ITGA8: variants seen among roughly 807,000 people sequenced by gnomAD.
The protein encoded by ITGA8 is integrin alpha-8.
A neutral mutation model predicts 142.3 loss-of-function variants in ITGA8; 91 were observed. The ratio of observed to expected loss-of-function variants is 0.64; its 90% CI spans 0.54 to 0.76. The LOEUF (loss-of-function observed/expected upper bound fraction) is 0.76, where lower values mean the gene tolerates loss of function less well. Among genes scored for constraint, ITGA8 ranks in the 30% least tolerant of loss-of-function variants. ITGA8 has a pLI of 0.00. For missense variants in ITGA8, 1,406 were observed against 1,327.7 expected (o/e 1.06, Z -0.92); for synonymous variants, 505 against 485.2 (o/e 1.04, Z -0.54).
intron 13 of ITGA8, 124 bp from the exon 14 acceptor site, chr10:15,616,683 A>T: frequency 1.3e-6 from 1 of 776,210 alleles, no homozygotes; most frequent in Non-Finnish European, 2.2e-6. Flanking sequence ...ACAAAATTAG[A>T]AGAGAAATCA....
rs1216085322 is a variant in ITGA8 at position 15,674,990 on chromosome 10, T to C, written c.677-2241A>G. ...TCTCCTGGATCTTTCTCAATGACTT[T>C]TAAACATGATCAAGTTTCTTCCATT... On this transcript the variant is annotated intron_variant, in intron 6 of 29. Transcript: ENST00000378076. Among the ~76,000 whole-genome samples, 4 of 152,114 alleles carry C rather than the reference T, an allele frequency of 2.6e-5. No homozygotes were observed. In the East Asian group the frequency reaches 5.8e-4, roughly 22 times the overall value.
At chr10:15,518,316 A>G (rs1463148298) in intron 29 of ITGA8, among the ~76,000 whole-genome samples, 1 of 152,200 alleles carries the variant, frequency 6.6e-6, no homozygotes, top group African/African-American at 2.4e-5. Flanking sequence ...TATCCTGTCA[A>G]TTGGCACACA....
chr10:15,553,630 G>A (rs931056785), intron 26 of ITGA8, among the ~76,000 whole-genome samples: 6 of 152,080 alleles, frequency 3.9e-5, no homozygotes, highest in Admixed American at 3.3e-4. Context: ...CTTCTGCATC[G>A]ATGAGACACA....
At chr10:15,708,526 C>A (rs577552680) in intron 2 of ITGA8, among the ~76,000 whole-genome samples, 1 of 152,258 alleles carries the variant, frequency 6.6e-6, no homozygotes, top group East Asian at 1.9e-4. Flanking sequence ...GGGGTTGACA[C>A]TGTAGCCCCC....
chr10:15,613,170 A>AAAATAAATAAAT (rs1554777864), intron 15 of ITGA8, among the ~76,000 whole-genome samples: 1 of 36,134 alleles, frequency 2.8e-5, no homozygotes, highest in African/African-American at 5.2e-5. Flanking sequence ...CAATAAATAA[A>AAAATAAATAAAT]AAATAAATAA....
At chr10:15,719,369 T>C (rs1427222400) in intron 1 of ITGA8, among the ~76,000 whole-genome samples, 194 bp downstream of exon 1, 1 of 152,192 alleles carries the variant, frequency 6.6e-6, no homozygotes, top group Non-Finnish European at 1.5e-5. Context: ...GGCATGTCTC[T>C]AGCTCAAAAT....
intron 8 of ITGA8, among the ~76,000 whole-genome samples, chr10:15,670,758 CT>C (rs1485487232): frequency 6.6e-6 from 1 of 152,110 alleles, no homozygotes; most frequent in Admixed American, 6.6e-5. Context: ...GTCTTCTCCC[CT>C]GCACGTTGAA....
chr10:15,583,956 G>T (rs1834463815), intron 23 of ITGA8, among the ~76,000 whole-genome samples: 1 of 152,154 alleles, frequency 6.6e-6, no homozygotes, highest in South Asian at 2.1e-4. Context: ...GAATAGAAAA[G>T]AATTTCTATA....
At chr10:15,543,490 TTC>T (rs1348708043) in intron 27 of ITGA8, among the ~76,000 whole-genome samples, 3 of 152,210 alleles carry the variant, frequency 2.0e-5, no homozygotes, top group Admixed American at 6.5e-5. Flanking sequence ...GCCCCAACTG[TTC>T]TGGTTCAAAA....
intron 11 of ITGA8, among the ~76,000 whole-genome samples, chr10:15,650,973 G>T (rs1834075073): frequency 6.6e-6 from 1 of 152,058 alleles, no homozygotes; most frequent in East Asian, 1.9e-4. Flanking sequence ...ACATACTTGG[G>T]CTAAATCTAG....
chr10:15,692,983 A>C (rs1260536919), intron 2 of ITGA8, among the ~76,000 whole-genome samples: 1 of 152,164 alleles, frequency 6.6e-6, no homozygotes, highest in Non-Finnish European at 1.5e-5. Flanking sequence ...CATGAGAATT[A>C]GTTGAACCTG....
At chr10:15,591,346 G>A (rs1177394253) in intron 22 of ITGA8, among the ~76,000 whole-genome samples, 1 of 150,368 alleles carries the variant, frequency 6.7e-6, no homozygotes, top group Non-Finnish European at 1.5e-5. Context: ...CATCTCACTA[G>A]ACATCTTACT....
chr10:15,557,097 C>G (rs557453571), intron 26 of ITGA8, among the ~76,000 whole-genome samples: 2 of 152,328 alleles, frequency 1.3e-5, no homozygotes, highest in African/African-American at 4.8e-5. Flanking sequence ...AATGCTGACT[C>G]TGACCGGGCA....
chr10:15,632,050 T>C (rs1833694534), intron 13 of ITGA8, among the ~76,000 whole-genome samples: 1 of 151,968 alleles, frequency 6.6e-6, no homozygotes, highest in Non-Finnish European at 1.5e-5. Context: ...GGGATATGAT[T>C]TAAACCTGCT....
intron 11 of ITGA8, among the ~76,000 whole-genome samples, chr10:15,652,383 T>C (rs373277566): frequency 5.0e-4 from 75 of 150,866 alleles, no homozygotes; most frequent in African/African-American, 1.8e-3. Flanking sequence ...GAGCCCCTGG[T>C]GCTTGTTGTG....
At chr10:15,569,991 C>T (rs577510615) in intron 25 of ITGA8, among the ~76,000 whole-genome samples, 3 of 152,220 alleles carry the variant, frequency 2.0e-5, no homozygotes, top group African/African-American at 7.2e-5. Flanking sequence ...TTTATAGTCA[C>T]TAATGTAAAC....
intron 21 of ITGA8, among the ~76,000 whole-genome samples, chr10:15,595,035 G>A (rs560969473): frequency 2.6e-4 from 40 of 151,968 alleles, no homozygotes; most frequent in Admixed American, 2.1e-3. Context: ...TGACCCCACC[G>A]TTTAAAAAAA....
At chr10:15,710,549 G>T (rs1348069851) in intron 2 of ITGA8, among the ~76,000 whole-genome samples, 1 of 152,186 alleles carries the variant, frequency 6.6e-6, no homozygotes, top group Non-Finnish European at 1.5e-5. Flanking sequence ...AGATGTCCTG[G>T]GTGGCTAAGA....
At chr10:15,552,187 A>G (rs1833802990) in intron 26 of ITGA8, among the ~76,000 whole-genome samples, 1 of 151,372 alleles carries the variant, frequency 6.6e-6, no homozygotes, top group Non-Finnish European at 1.5e-5. Context: ...CCCAGGCTGG[A>G]GTGCAGTGGT....
Sources: allele counts gnomAD v4.1 joint callset (sites outside exome capture counted in the v4.1 genomes callset), GRCh38; gene constraint gnomAD v4.1.1; transcripts MANE v1.5; gene names NCBI Gene and HGNC (gene_info 2026-07-23, HGNC 2026-07-21).